EDA: variants seen among roughly 807,000 people sequenced by gnomAD.
The protein encoded by EDA is ectodysplasin-A.
A neutral mutation model predicts 23.6 loss-of-function variants in EDA; 2 were observed. That is an observed-to-expected ratio of 0.08 (90% CI 0.03 to 0.27). The LOEUF (loss-of-function observed/expected upper bound fraction) is 0.27, where lower values mean the gene tolerates loss of function less well. Ranked by LOEUF, EDA falls within the 10% of genes least tolerant of loss-of-function variation. The pLI, the probability that EDA is intolerant of heterozygous loss-of-function variation, is 1.00. For missense variants in EDA, 229 were observed against 324.2 expected, an observed-to-expected ratio of 0.71 and a Z score of 2.26; for synonymous variants, 131 against 132.0, an observed-to-expected ratio of 0.99 and a Z score of 0.05.
At chrX:69,670,641 A>T (rs1452650788) in intron 1 of EDA, among the ~76,000 whole-genome samples, 1 of 107,931 alleles carries the variant, frequency 9.3e-6, no homozygotes, top group African/African-American at 3.4e-5. Context: ...AAAAAAAACC[A>T]CCATCTTCAG....
chrX:69,980,169 C>T (rs1159741790), intron 2 of EDA, among the ~76,000 whole-genome samples: 1 of 111,488 alleles, frequency 9.0e-6, no homozygotes, highest in African/African-American at 3.3e-5. Flanking sequence ...TCATATTTGA[C>T]TCTCTGAAAA....
At chrX:69,713,684 G>A (rs183528517) in intron 1 of EDA, among the ~76,000 whole-genome samples, 4 of 111,761 alleles carry the variant, frequency 3.6e-5, no homozygotes, top group Admixed American at 1.9e-4. Flanking sequence ...CCAAATTGTT[G>A]TGTGTATTAA....
chrX:69,888,978 TTATATATATATATA>T lies in EDA; in HGVS notation c.397-68019_397-68006del, dbSNP rs935436674. Among the ~76,000 whole-genome samples the T allele has an allele frequency of 5.3e-3, 85 of 16,014 alleles. 4 individuals carry two copies. In the East Asian group the frequency reaches 0.1, roughly 19 times the overall value. 13.9% of individuals were successfully genotyped at this position (16,014 alleles called of 115,157 possible). A position where few individuals can be genotyped will look rare whatever the true frequency, so the allele number is the denominator to read the frequency against. ...GTGGAATTGTTGTATTGTGGGGTAG[TTATATATATATATA>T]TATATATATATATATATATATATAT... is the stretch of plus-strand genomic sequence containing the variant. On this transcript the variant is annotated intron_variant, in intron 1 of 7. Coordinates refer to ENST00000374552, the MANE Select transcript of EDA (RefSeq NM_001399.5).
chrX:69,851,753 A>G (rs191966538), intron 1 of EDA, among the ~76,000 whole-genome samples: 2 of 112,027 alleles, frequency 1.8e-5, no homozygotes, highest in East Asian at 2.8e-4. Flanking sequence ...CTGGGTTCCT[A>G]TAGTCCAACA....
chrX:69,811,332 G>A (rs1311341720), intron 1 of EDA, among the ~76,000 whole-genome samples: 1 of 112,483 alleles, frequency 8.9e-6, no homozygotes, highest in Non-Finnish European at 1.9e-5. Flanking sequence ...GGGCCAATAT[G>A]CGTGACCCAG....
chrX:70,029,913 GA>G (rs1479070954), intron 5 of EDA, among the ~76,000 whole-genome samples: 2 of 112,191 alleles, frequency 1.8e-5, no homozygotes, highest in Non-Finnish European at 3.8e-5. Flanking sequence ...ATCCGGAGCT[GA>G]AGAGTTGAAG....
At chrX:70,016,905 G>T (rs1243353456) in intron 2 of EDA, among the ~76,000 whole-genome samples, 1 of 110,964 alleles carries the variant, frequency 9.0e-6, no homozygotes, top group Admixed American at 9.6e-5. Flanking sequence ...ACATACAAAA[G>T]ATCAATGAAA....
At chrX:70,032,211 A>G (rs2020209263) in intron 6 of EDA, among the ~76,000 whole-genome samples, 1 of 109,187 alleles carries the variant, frequency 9.2e-6, no homozygotes, top group Non-Finnish European at 1.9e-5. Flanking sequence ...GTGAGCCAAG[A>G]TCACACCACT....
intron 1 of EDA, among the ~76,000 whole-genome samples, chrX:69,817,193 C>T (rs753798923): frequency 2.8e-4 from 31 of 111,700 alleles, no homozygotes; most frequent in Admixed American, 6.7e-4. Flanking sequence ...ACCATCAGGC[C>T]TACCTTGCAA....
intron 1 of EDA, among the ~76,000 whole-genome samples, chrX:69,682,338 G>C (rs991025423): frequency 1.2e-4 from 14 of 112,645 alleles, no homozygotes; most frequent in African/African-American, 3.5e-4. Flanking sequence ...TTGAGCTGTG[G>C]TGGGCTCCAC....
At chrX:69,873,955 T>C (rs2017604656) in intron 1 of EDA, among the ~76,000 whole-genome samples, 1 of 111,943 alleles carries the variant, frequency 8.9e-6, no homozygotes, top group East Asian at 2.8e-4. Flanking sequence ...TCCAACAGAA[T>C]ATCAAAAAGA....
At chrX:69,874,289 G>A (rs1285862631) in intron 1 of EDA, among the ~76,000 whole-genome samples, 2 of 109,820 alleles carry the variant, frequency 1.8e-5, no homozygotes, top group Non-Finnish European at 3.8e-5. Context: ...TCCAGCCTGG[G>A]CAAAAAGAGC....
intron 1 of EDA, among the ~76,000 whole-genome samples, chrX:69,865,228 G>C (rs894097356): frequency 9.1e-6 from 1 of 110,038 alleles, no homozygotes; most frequent in Non-Finnish European, 1.9e-5. Context: ...AATGAATAAA[G>C]CCTCTGTATT....
intron 1 of EDA, among the ~76,000 whole-genome samples, chrX:69,813,787 C>T (rs1402103340): frequency 9.6e-6 from 1 of 103,820 alleles, no homozygotes; most frequent in Admixed American, 1.1e-4. Context: ...AGGAAAATTT[C>T]TTTCAATTTA....
chrX:69,883,574 A>G (rs2017782906), intron 1 of EDA, among the ~76,000 whole-genome samples: 1 of 111,682 alleles, frequency 9.0e-6, no homozygotes, highest in African/African-American at 3.3e-5. Flanking sequence ...CTATACGTTG[A>G]TGGCCAGTGA....
chrX:69,955,219 T>C (rs1439029621), intron 1 of EDA, among the ~76,000 whole-genome samples: 2 of 111,996 alleles, frequency 1.8e-5, no homozygotes, highest in African/African-American at 6.5e-5. Flanking sequence ...AACTTTATTA[T>C]GTTGATTGTA....
At chrX:69,755,831 G>C (rs1053682369) in intron 1 of EDA, among the ~76,000 whole-genome samples, 1 of 112,674 alleles carries the variant, frequency 8.9e-6, no homozygotes, top group African/African-American at 3.2e-5. Flanking sequence ...CTAGCAGCGA[G>C]TGAGGCGCTG....
intron 2 of EDA, among the ~76,000 whole-genome samples, chrX:69,988,205 T>TTG (rs1205201670): frequency 4.5e-5 from 5 of 111,427 alleles, no homozygotes; most frequent in Admixed American, 1.9e-4. Context: ...ATCAAGACAG[T>TTG]TGAACTAATG....
intron 1 of EDA, among the ~76,000 whole-genome samples, chrX:69,673,371 A>G (rs1486186696): frequency 2.7e-5 from 3 of 111,562 alleles, no homozygotes; most frequent in Non-Finnish European, 5.7e-5. Context: ...TGAATTAGTG[A>G]TTTTGGAGAT....
Sources: allele counts gnomAD v4.1 joint callset (sites outside exome capture counted in the v4.1 genomes callset), GRCh38; gene constraint gnomAD v4.1.1; transcripts MANE v1.5; gene names NCBI Gene and HGNC (gene_info 2026-07-23, HGNC 2026-07-21).